The following PTPRN2 variants were observed in gnomAD, a reference collection of about 807,000 sequenced individuals.
The protein encoded by PTPRN2 is protein tyrosine phosphatase receptor type N2, also known as receptor-type tyrosine-protein phosphatase N2.
Under a neutral mutation model 118.8 loss-of-function variants are expected in PTPRN2, and 74 were observed. The ratio of observed to expected loss-of-function variants is 0.62; its 90% confidence interval spans 0.52 to 0.76. PTPRN2 has a LOEUF of 0.76. Ranked by LOEUF, PTPRN2 falls within the 30% of genes least tolerant of loss-of-function variation. The probability of loss-of-function intolerance (pLI) is 0.00; values close to 1 mark genes in which losing one functional copy is unlikely to be tolerated. For missense variants in PTPRN2, 1,481 were observed against 1,394.4 expected, an observed-to-expected ratio of 1.06 and a Z score of -0.99; for synonymous variants, 641 against 608.0, an observed-to-expected ratio of 1.05 and a Z score of -0.80.
At chr7:157,951,087 C>T (rs2164217) in intron 11 of PTPRN2, among the ~76,000 whole-genome samples, 43,398 of 151,934 alleles carry the variant, frequency 0.29, 6,466 homozygotes, top group Middle Eastern at 0.37. Context: ...AGAGCACGTA[C>T]TCCTGGCAGG....
chr7:158,585,512 G>A (rs148342316), intron 1 of PTPRN2, among the ~76,000 whole-genome samples: 117 of 152,290 alleles, frequency 7.7e-4, no homozygotes, highest in African/African-American at 2.6e-3. Context: ...CAGTGACACC[G>A]TGATCAGAGC....
intron 11 of PTPRN2, among the ~76,000 whole-genome samples, chr7:158,076,452 T>G (rs1254267680): frequency 6.6e-6 from 1 of 152,216 alleles, no homozygotes; most frequent in South Asian, 2.1e-4. Flanking sequence ...GGACCAATGC[T>G]GCAGCAGCAA....
chr7:157,772,677 G>A (rs1308796470), intron 12 of PTPRN2, among the ~76,000 whole-genome samples: 2 of 152,262 alleles, frequency 1.3e-5, no homozygotes, highest in Admixed American at 6.5e-5. Flanking sequence ...GGACACACGA[G>A]GCTCTCGGCA....
intron 14 of PTPRN2, 103 bp from the exon 15 acceptor site, chr7:157,621,612 G>A (rs1477385383): frequency 8.3e-6 from 12 of 1,441,234 alleles, no homozygotes; most frequent in Admixed American, 1.8e-5. Context: ...CGTGGGCCAT[G>A]CCCACCTTGC....
At chr7:158,027,781 T>C (rs1329921970) in intron 11 of PTPRN2, 1 of 152,102 alleles carries the variant, frequency 6.6e-6, no homozygotes, top group Admixed American at 6.5e-5. Context: ...TTGTGAGTGT[T>C]CACAGCCGAG....
intron 2 of PTPRN2, among the ~76,000 whole-genome samples, chr7:158,368,272 G>A (rs545264285): frequency 2.0e-4 from 30 of 152,296 alleles, no homozygotes; most frequent in African/African-American, 7.0e-4. Flanking sequence ...GGAGAGAAGC[G>A]GGACCCTGTA....
intron 1 of PTPRN2, among the ~76,000 whole-genome samples, chr7:158,491,568 C>T (rs759389985): frequency 1.3e-5 from 2 of 152,098 alleles, no homozygotes; most frequent in Admixed American, 6.5e-5. Context: ...TGGCTCACTG[C>T]GACCTCTGCC....
chr7:158,083,956 G>A (rs903476262), intron 10 of PTPRN2, among the ~76,000 whole-genome samples: 72 of 16,508 alleles, frequency 4.4e-3, no homozygotes, highest in African/African-American at 6.3e-3. Flanking sequence ...GACGTGGGAA[G>A]AAGTCTCTAT....
At chr7:157,749,952 T>G (rs1801358057) in intron 12 of PTPRN2, among the ~76,000 whole-genome samples, 1 of 150,510 alleles carries the variant, frequency 6.6e-6, no homozygotes, top group South Asian at 2.1e-4. Flanking sequence ...TTCTGAGGCC[T>G]GTGTCCCCGA....
chr7:157,898,841 G>A, intron 11 of PTPRN2, 104 bp from the exon 12 acceptor site: 1 of 972,306 alleles, frequency 1.0e-6, no homozygotes, highest in South Asian at 1.3e-5. Flanking sequence ...TTACATGACT[G>A]CTTGACCCGC....
intron 12 of PTPRN2, among the ~76,000 whole-genome samples, chr7:157,760,510 G>C (rs963782479): frequency 6.6e-6 from 1 of 152,010 alleles, no homozygotes; most frequent in African/African-American, 2.4e-5. Flanking sequence ...AGAATGAGCA[G>C]AGCCAGTCCT....
At chr7:158,440,888 AGGTGGTGGTGGTGAC>A (rs1334854994) in intron 2 of PTPRN2, among the ~76,000 whole-genome samples, 4 of 81,676 alleles carry the variant, frequency 4.9e-5, no homozygotes, top group South Asian at 9.1e-4. Flanking sequence ...GTGGTGGTGA[AGGTGGTGGTGGTGAC>A]GGTGATGATG....
rs191407813 is a variant in PTPRN2, at chr7:158,329,715, C to T, written c.164-12783G>A. ...ACACTGCGTATTATTATCCCATTGACGCCATGTGGAAATTAAGGCACAGGG... is the reference window on the plus strand; with the variant it reads ...ACACTGCGTATTATTATCCCATTGATGCCATGTGGAAATTAAGGCACAGGG... On this transcript the variant is annotated intron_variant, in intron 2 of 22. Coordinates refer to ENST00000389418, the MANE Select transcript of PTPRN2 (RefSeq NM_002847.5). Among the ~76,000 whole-genome samples, 15 of 152,276 alleles carry T rather than the reference C, an allele frequency of 9.9e-5. No homozygotes were observed. In the East Asian group the frequency reaches 1.9e-3, roughly 20 times the overall value.
chr7:158,400,632 C>T (rs1377593001), intron 2 of PTPRN2, among the ~76,000 whole-genome samples: 2 of 152,130 alleles, frequency 1.3e-5, no homozygotes, highest in Admixed American at 6.5e-5. Flanking sequence ...AAGTGAGGGG[C>T]GCTGGGAGTT....
chr7:157,709,612 T>C (rs1798498554), intron 12 of PTPRN2, among the ~76,000 whole-genome samples: 1 of 152,188 alleles, frequency 6.6e-6, no homozygotes, highest in African/African-American at 2.4e-5. Flanking sequence ...CGCTCCACGT[T>C]GTGCAGCCAC....
chr7:158,542,398 C>G (rs1826040541), intron 1 of PTPRN2, among the ~76,000 whole-genome samples: 1 of 152,242 alleles, frequency 6.6e-6, no homozygotes, highest in African/African-American at 2.4e-5. Context: ...GGCAATCCGC[C>G]CACCTCGGCC....
rs56801572 is a variant in PTPRN2, at chr7:158,161,691, A to G, written c.910+5240T>C. 4.6e-3 allele frequency among the ~76,000 whole-genome samples: 706 copies of G among 152,340 alleles called. 5 individuals carry two copies. The highest frequency in any genetic ancestry group is 0.015 in the African/African-American group (626 of 41,580). On this transcript the variant is annotated intron_variant, in intron 6 of 22. Coordinates refer to ENST00000389418, the MANE Select transcript of PTPRN2 (RefSeq NM_002847.5). ...GTTTGGTGATGACTTTTTAAAATCCAACACCAAAGGCAAAATCCATGAATA... is the reference window on the plus strand; with the variant it reads ...GTTTGGTGATGACTTTTTAAAATCCGACACCAAAGGCAAAATCCATGAATA...
At chr7:158,146,538 G>A (rs1820037766) in intron 6 of PTPRN2, among the ~76,000 whole-genome samples, 1 of 151,838 alleles carries the variant, frequency 6.6e-6, no homozygotes, top group African/African-American at 2.4e-5. Context: ...TGACTAACAT[G>A]GTGAAACCCC....
chr7:157,541,434 C>A (rs1004651508), intron 22 of PTPRN2, among the ~76,000 whole-genome samples: 15 of 152,228 alleles, frequency 9.9e-5, no homozygotes, highest in African/African-American at 3.6e-4. Context: ...GACAGCCTGC[C>A]GAGAGCATCC....
Sources: allele counts gnomAD v4.1 joint callset (sites outside exome capture counted in the v4.1 genomes callset), GRCh38; gene constraint gnomAD v4.1.1; transcripts MANE v1.5; gene names NCBI Gene and HGNC (gene_info 2026-07-23, HGNC 2026-07-21).